The following CACNA1B variants were observed in gnomAD, a reference collection of about 807,000 sequenced individuals.
The protein encoded by CACNA1B is voltage-dependent N-type calcium channel subunit alpha-1B.
Under a neutral mutation model 247.2 loss-of-function variants are expected in CACNA1B, and 70 were observed. The observed-to-expected ratio is 0.28, with a 90% CI of 0.23 to 0.35. The LOEUF is 0.35. Ranked by LOEUF, CACNA1B falls within the 10% of genes least tolerant of loss-of-function variation. The probability of loss-of-function intolerance (pLI) is 1.00; values close to 1 mark genes in which losing one functional copy is unlikely to be tolerated. For synonymous variants in CACNA1B, 1,231 were observed against 1,294.4 expected, an observed-to-expected ratio of 0.95 and a Z score of 1.05; for missense variants, 2,367 against 3,197.4, an observed-to-expected ratio of 0.74 and a Z score of 6.26.
At chr9:138,049,635 C>T (rs1044324754) in intron 24 of CACNA1B, among the ~76,000 whole-genome samples, 4 of 152,048 alleles carry the variant, frequency 2.6e-5, no homozygotes, top group Admixed American at 1.3e-4. Context: ...TGGGACCGGG[C>T]GGCACAGCCT....
chr9:138,109,504 G>A (rs1328015778), intron 39 of CACNA1B, among the ~76,000 whole-genome samples: 1 of 152,182 alleles, frequency 6.6e-6, no homozygotes, highest in Non-Finnish European at 1.5e-5. Context: ...GCCTCTGTGT[G>A]TGCAGGGAGA....
intron 3 of CACNA1B, among the ~76,000 whole-genome samples, chr9:137,905,020 T>G (rs1957281995): frequency 6.6e-6 from 1 of 152,192 alleles, no homozygotes; most frequent in African/African-American, 2.4e-5. Context: ...ATGTCAACAT[T>G]CAATTTTTAA....
chr9:138,085,766 AAACT>A (rs1302745515), intron 36 of CACNA1B, among the ~76,000 whole-genome samples: 1 of 151,338 alleles, frequency 6.6e-6, no homozygotes, highest in Non-Finnish European at 1.5e-5. Flanking sequence ...AACAAAAAAC[AAACT>A]GTCAGTCAAG....
At chr9:138,112,308 C>G in intron 39 of CACNA1B, 90 bp from the exon 40 acceptor site, 1 of 867,286 alleles carries the variant, frequency 1.2e-6, no homozygotes, top group South Asian at 1.4e-5. Flanking sequence ...ATTCATCTCC[C>G]CACCTGCACC....
chr9:137,971,549 C>A lies in CACNA1B; in HGVS notation c.1500C>A (p.Ala500=), dbSNP rs1396504322. 1 of 1,613,762 alleles carries A rather than the reference C, an allele frequency of 6.2e-7. No homozygotes were observed. Among genetic ancestry groups the A allele is most frequent in the Admixed American group, 1.7e-5 (1 of 59,990 alleles). The stretch of plus-strand genomic sequence containing the variant: ...TGGCCCTGAACACACTGTGTGTGGC[C>A]ATGGTGCATTACAACCAGCCGCGGC... ...CVVALNTLCV[A]MVHYNQPRRL... is the part of the protein sequence containing the mutation. The change falls in exon 11 of 47, where the codon GCC becomes GCA. Residue 500 remains alanine (A), a synonymous_variant. Coordinates refer to ENST00000371372, the MANE Select transcript of CACNA1B (RefSeq NM_000718.4). The surrounding 1 kb of genome is among the most constrained non-coding windows in gnomAD (Gnocchi z 4.4).
chr9:138,039,324 ACTGT>A (rs1023034289), intron 20 of CACNA1B, among the ~76,000 whole-genome samples: 25 of 151,938 alleles, frequency 1.6e-4, no homozygotes, highest in Admixed American at 3.9e-4. Context: ...CTATCCTGAA[ACTGT>A]CTTTTTGTCT....
intron 37 of CACNA1B, among the ~76,000 whole-genome samples, chr9:138,098,227 A>T (rs1031936605): frequency 6.6e-6 from 1 of 152,162 alleles, no homozygotes; most frequent in Admixed American, 6.5e-5. Flanking sequence ...TACTTACTTC[A>T]TGCTGGGAGG....
chr9:138,037,942 T>C (rs1484099639), intron 20 of CACNA1B, among the ~76,000 whole-genome samples: 1 of 152,226 alleles, frequency 6.6e-6, no homozygotes, highest in Admixed American at 6.5e-5. Context: ...ATTTCATGAT[T>C]CTTTCTGTGT....
Position 138,059,763 on chromosome 9 carries a change from C to G in CACNA1B, c.4668+26C>G. On this transcript the variant is annotated intron_variant, in intron 31 of 46. Transcript: ENST00000371372. This position sits in a 1 kb window ranked among gnomAD's most constrained non-coding sequence, Gnocchi z 4.2. Reference sequence around the variant, plus strand: ...GTAAGTAGCATTTCTGTCCCTCCTTCAGGGTCCCCAGGTGGTTTCCTTCTA... The same window carrying G: ...GTAAGTAGCATTTCTGTCCCTCCTTGAGGGTCCCCAGGTGGTTTCCTTCTA... 5.2e-6 allele frequency: 7 copies of G among 1,349,992 alleles called. No individual in the cohort carries two copies. The highest frequency in any genetic ancestry group is 7.5e-6 in the Non-Finnish European group (7 of 939,246). The allele number at this position is 1,349,992 out of a possible 1,614,324, so 83.6% of individuals were successfully genotyped here.
rs116261141 is a variant in CACNA1B, at chr9:137,921,643, T to G, written c.966+4212T>G. Among the ~76,000 whole-genome samples, 3 of 139,372 alleles carry G rather than the reference T, an allele frequency of 2.2e-5. No homozygotes were observed. In the East Asian group the frequency reaches 6.6e-4, roughly 31 times the overall value. 91.4% of individuals were successfully genotyped at this position (139,372 alleles called of 152,430 possible). A position where few individuals can be genotyped will look rare whatever the true frequency, so the allele number is the denominator to read the frequency against. Reference sequence around the variant, plus strand: ...AGAGTAAAGCGTTCGGAGAACCTGATCAGCACCACGACCGCACAGCATCCT... The same window carrying G: ...AGAGTAAAGCGTTCGGAGAACCTGAGCAGCACCACGACCGCACAGCATCCT... On this transcript the variant is annotated intron_variant, in intron 6 of 46. Coordinates refer to ENST00000371372, the MANE Select transcript of CACNA1B (RefSeq NM_000718.4).
chr9:137,947,623 A>G (rs539229769), intron 6 of CACNA1B, among the ~76,000 whole-genome samples: 1 of 150,040 alleles, frequency 6.7e-6, no homozygotes, highest in East Asian at 2.0e-4. Context: ...TTCTTAGGAG[A>G]GTTCTGCTGG....
Position 138,096,572 on chromosome 9 carries a change from A to G in CACNA1B, c.5183A>G (p.Glu1728Gly). 6.2e-7 allele frequency: 1 copy of G among 1,612,994 alleles called. No homozygotes were observed. The highest frequency in any genetic ancestry group is 8.5e-7 in the Non-Finnish European group (1 of 1,179,512). Residue 1728 changes from glutamate (E) to glycine (G), a missense_variant, in exon 37 of 47, where the codon GAG becomes GGG. By Grantham distance (98) the Glu-to-Gly change is moderately conservative (BLOSUM62 -2). Transcript: ENST00000371372. ...SSILGPHHLD[E>G]FIRVWAEYDP... ...ATCCTAGGTCCTCACCACTTGGATGAGTTCATCCGGGTCTGGGCTGAATAC... is the reference window on the plus strand; with the variant it reads ...ATCCTAGGTCCTCACCACTTGGATGGGTTCATCCGGGTCTGGGCTGAATAC...
chr9:137,982,730 A>G lies in CACNA1B; in HGVS notation c.1657-1408A>G, dbSNP rs58158739. The stretch of plus-strand genomic sequence containing the variant: ...CTGGATGATTTGCTAGTGCAGAGAA[A>G]AGTTGGTGGTGATGATCAAGGGCAA... On this transcript the variant is annotated intron_variant, in intron 12 of 46. Transcript: ENST00000371372. Among the ~76,000 whole-genome samples, 5 of 152,338 alleles carry G rather than the reference A, an allele frequency of 3.3e-5. No individual in the cohort carries two copies. In the East Asian group the frequency reaches 9.6e-4, roughly 29 times the overall value.
At position 137,955,797 on chromosome 9, in the gene CACNA1B, G is replaced by T; in HGVS notation, c.1170G>T (p.Glu390Asp). Residue 390 changes from glutamate (E) to aspartate (D), a missense_variant, in exon 8 of 47, where the codon GAG becomes GAT. Coordinates refer to ENST00000371372, the MANE Select transcript of CACNA1B (RefSeq NM_000718.4). The surrounding 1 kb of genome is among the most constrained non-coding windows in gnomAD (Gnocchi z 6.9). ...AGCGAGAGCTCAACGGGTACCTGGA[G>T]TGGATCTTCAAGGCGGGTGAGGGCC... ...QIERELNGYL[E>D]WIFKAEEVML... The T allele has an allele frequency of 6.2e-7, 1 of 1,608,946 alleles. No individual in the cohort carries two copies. The highest frequency in any genetic ancestry group is 1.1e-5 in the South Asian group (1 of 90,198).
intron 31 of CACNA1B, among the ~76,000 whole-genome samples, chr9:138,065,987 C>CT (rs1450844710): frequency 6.6e-6 from 1 of 152,202 alleles, no homozygotes; most frequent in Non-Finnish European, 1.5e-5. Context: ...GGTCTCCATC[C>CT]TTAGAGTCGG....
intron 44 of CACNA1B, among the ~76,000 whole-genome samples, 189 bp downstream of exon 44, chr9:138,118,957 G>A (rs570832833): frequency 6.6e-6 from 1 of 152,124 alleles, no homozygotes; most frequent in Admixed American, 6.5e-5. Flanking sequence ...CAGAGGTGCA[G>A]CCTGGACGCC....
At chr9:138,116,197 C>G (rs1003135804) in intron 42 of CACNA1B, among the ~76,000 whole-genome samples, 1 of 152,224 alleles carries the variant, frequency 6.6e-6, no homozygotes, top group Non-Finnish European at 1.5e-5. Flanking sequence ...CAATGGCCTT[C>G]TACTGCTCTG....
intron 6 of CACNA1B, among the ~76,000 whole-genome samples, chr9:137,947,904 C>G (rs985391995): frequency 6.6e-5 from 10 of 150,726 alleles, no homozygotes; most frequent in Admixed American, 1.3e-4. Flanking sequence ...ATGTGTTTGC[C>G]TGGGGTTTGC....
Position 137,891,426 on chromosome 9 carries a change from T to G in CACNA1B, c.530+8543T>G, listed in dbSNP as rs1957097618. 6.5e-6 allele frequency: 1 copy of G among 154,656 alleles called. No individual in the cohort carries two copies. The highest frequency in any genetic ancestry group is 1.4e-5 in the Non-Finnish European group (1 of 69,970). The allele number at this position is 154,656 out of a possible 1,614,324, so 9.6% of individuals were successfully genotyped here. On this transcript the variant is annotated intron_variant, in intron 3 of 46. Coordinates refer to ENST00000371372, the MANE Select transcript of CACNA1B (RefSeq NM_000718.4). This position sits in a 1 kb window ranked among gnomAD's most constrained non-coding sequence, Gnocchi z 4.3. Reference sequence around the variant, plus strand: ...CCAGGTGCTCACTGGGGCTGCTGTGTTCCAGTGCCCTGGGGGGTCCCAGGC... The same window carrying G: ...CCAGGTGCTCACTGGGGCTGCTGTGGTCCAGTGCCCTGGGGGGTCCCAGGC...
Sources: gnomAD v4.1 joint callset for allele counts (sites outside exome capture counted in the v4.1 genomes callset) on GRCh38, gnomAD v4.1.1 for gene constraint, Gnocchi (gnomAD v3.1) non-coding constraint, MANE v1.5 for transcripts, NCBI Gene and HGNC (gene_info 2026-07-23, HGNC 2026-07-21) for gene names.